INPP4B: variants seen among roughly 807,000 people sequenced by gnomAD.
INPP4B encodes the protein inositol polyphosphate 4-phosphatase type II.
Under a neutral mutation model 122.5 loss-of-function variants are expected in INPP4B, and 55 were observed. The ratio of observed to expected loss-of-function variants is 0.45; its 90% CI spans 0.36 to 0.56. The LOEUF (loss-of-function observed/expected upper bound fraction) is 0.56. INPP4B is among the 20% of genes least tolerant of loss of function. The pLI is 0.00. For missense variants in INPP4B, 1,000 were observed against 1,097.7 expected, an observed-to-expected ratio of 0.91 and a Z score of 1.26; for synonymous variants, 403 against 388.7, an observed-to-expected ratio of 1.04 and a Z score of -0.43.
chr4:142,370,173 A>G (rs1276695894), intron 7 of INPP4B, among the ~76,000 whole-genome samples: 2 of 152,106 alleles, frequency 1.3e-5, no homozygotes, highest in African/African-American at 4.8e-5. Flanking sequence ...TAAATACTCA[A>G]ACCCAAGTCA....
At chr4:142,413,232 T>C (rs929785008) in intron 5 of INPP4B, among the ~76,000 whole-genome samples, 2 of 152,120 alleles carry the variant, frequency 1.3e-5, no homozygotes, top group Admixed American at 1.3e-4. Flanking sequence ...TGTCCCAAAT[T>C]CAAAGCCAGG....
At chr4:142,450,623 C>T (rs1051843419) in intron 3 of INPP4B, among the ~76,000 whole-genome samples, 3 of 152,082 alleles carry the variant, frequency 2.0e-5, no homozygotes, top group Non-Finnish European at 2.9e-5. Flanking sequence ...TTTCTGAGGA[C>T]GTTTATGTGC....
chr4:142,713,382 A>G (rs1388045027), intron 2 of INPP4B, among the ~76,000 whole-genome samples: 1 of 152,216 alleles, frequency 6.6e-6, no homozygotes, highest in Non-Finnish European at 1.5e-5. Flanking sequence ...GGAGGCTAGT[A>G]AGTTCACCCA....
At chr4:142,171,300 C>A (rs909095099) in intron 16 of INPP4B, among the ~76,000 whole-genome samples, 13 of 151,902 alleles carry the variant, frequency 8.6e-5, no homozygotes, top group Admixed American at 5.3e-4. Context: ...ATATAGATAA[C>A]TCCTTAATGT....
At chr4:142,657,046 C>A (rs558674306) in intron 2 of INPP4B, among the ~76,000 whole-genome samples, 1 of 152,148 alleles carries the variant, frequency 6.6e-6, no homozygotes, top group East Asian at 1.9e-4. Flanking sequence ...GATGAGCCCT[C>A]TCAGATTAGA....
At chr4:142,340,412 C>CTCTCTT (rs112269343) in intron 7 of INPP4B, among the ~76,000 whole-genome samples, 66,040 of 151,516 alleles carry the variant, frequency 0.44, 15,333 homozygotes, top group Non-Finnish European at 0.53. Flanking sequence ...TTTTTTTTCT[C>CTCTCTT]TTTAAAATTT....
chr4:142,160,405 C>G lies in INPP4B; in HGVS notation c.1516G>C (p.Gly506Arg), dbSNP rs1213475561. ...GAATGATGTGGTATGGAGTCCTGCC[C>G]TCTCATCACTGGGGGTTGGTCTTGG... is the stretch of plus-strand genomic sequence containing the variant. The part of the protein sequence containing the change: ...SPQDQPPVMR[G>R]QDSIPHHSDY... Residue 506 changes from glycine to arginine, a missense_variant, in exon 17 of 26, where the codon GGG becomes CGG. Coordinates refer to ENST00000262992, the MANE Select transcript of INPP4B (RefSeq NM_001101669.3). The G allele has an allele frequency of 1.2e-6, 2 of 1,601,606 alleles. No individual in the cohort carries two copies. Among genetic ancestry groups the G allele is most frequent in the East Asian group, 4.5e-5 (2 of 44,610 alleles).
chr4:142,754,331 C>T (rs562956977), intron 1 of INPP4B, among the ~76,000 whole-genome samples: 2 of 151,922 alleles, frequency 1.3e-5, no homozygotes, highest in Non-Finnish European at 2.9e-5. Flanking sequence ...GTAACAGTGA[C>T]CCCAAGTAAT....
chr4:142,511,884 C>T (rs1343340000), intron 2 of INPP4B, among the ~76,000 whole-genome samples: 2 of 152,102 alleles, frequency 1.3e-5, no homozygotes, highest in African/African-American at 4.8e-5. Context: ...TTAAGATGAG[C>T]TTTAAAGTTA....
intron 1 of INPP4B, among the ~76,000 whole-genome samples, chr4:142,743,521 G>A (rs1246428814): frequency 6.6e-6 from 1 of 151,828 alleles, no homozygotes; most frequent in Non-Finnish European, 1.5e-5. Context: ...GAATGCATGA[G>A]AGATGTTAGA....
intron 2 of INPP4B, among the ~76,000 whole-genome samples, chr4:142,547,336 C>G (rs1223063221): frequency 6.6e-6 from 1 of 151,996 alleles, no homozygotes; most frequent in African/African-American, 2.4e-5. Context: ...ACAGAGCATG[C>G]CCTGACCCTC....
At chr4:142,375,400 C>A (rs1198650218) in intron 7 of INPP4B, among the ~76,000 whole-genome samples, 1 of 150,782 alleles carries the variant, frequency 6.6e-6, no homozygotes, top group Non-Finnish European at 1.5e-5. Flanking sequence ...ATGTTTATTT[C>A]TCGAGTCATT....
chr4:142,256,494 T>C (rs1276496051), intron 11 of INPP4B, among the ~76,000 whole-genome samples: 1 of 151,780 alleles, frequency 6.6e-6, no homozygotes, highest in Non-Finnish European at 1.5e-5. Context: ...AAGAATCAAA[T>C]AGATGCAATA....
At chr4:142,030,111 G>A in intron 25 of INPP4B, 2 of 1,495,756 alleles carry the variant, frequency 1.3e-6, no homozygotes, top group East Asian at 2.5e-5. Context: ...AAAAGAAAAA[G>A]GAATACAACA....
chr4:142,644,600 T>C (rs1751301743), intron 2 of INPP4B, among the ~76,000 whole-genome samples: 1 of 151,564 alleles, frequency 6.6e-6, no homozygotes, highest in South Asian at 2.1e-4. Flanking sequence ...TGTGACTGAA[T>C]TTAAAGAGCA....
rs146211950 is a variant in INPP4B at position 142,577,983 on chromosome 4, G to A, written c.-190-115257C>T. Among the ~76,000 whole-genome samples the A allele has an allele frequency of 7.2e-5, 11 of 152,038 alleles. No individual in the cohort carries two copies. The East Asian group carries it at 2.1e-3, about 30-fold the overall frequency. Reference sequence around the variant, plus strand: ...ACATGTTACACTCATGTAACCATGTGAGTCCTGTCCTTCTGCCAATTTCTG... The same window carrying A: ...ACATGTTACACTCATGTAACCATGTAAGTCCTGTCCTTCTGCCAATTTCTG... On this transcript the variant is annotated intron_variant, in intron 2 of 25. Coordinates refer to ENST00000262992, the MANE Select transcript of INPP4B (RefSeq NM_001101669.3).
In INPP4B at chr4:142,579,711, C is replaced by T. The variant is rs137912666; in HGVS notation, c.-190-116985G>A. Among the ~76,000 whole-genome samples, 495 of 151,788 alleles carry T rather than the reference C, an allele frequency of 3.3e-3. 7 individuals are homozygous for T. The highest frequency in any genetic ancestry group is 0.018 in the East Asian group (90 of 5,084). ...TGGAAACATGTTTCTTCCTGGGTCT[C>T]GTGACTGCCAGCCTTCAGACTAGAA... On this transcript the variant is annotated intron_variant, in intron 2 of 25. Coordinates refer to ENST00000262992, the MANE Select transcript of INPP4B (RefSeq NM_001101669.3).
intron 2 of INPP4B, among the ~76,000 whole-genome samples, chr4:142,717,994 G>C (rs548794004): frequency 1.3e-5 from 2 of 150,520 alleles, no homozygotes. Flanking sequence ...GGAGAAAAAA[G>C]TTAAATTCTA....
intron 7 of INPP4B, among the ~76,000 whole-genome samples, chr4:142,350,147 A>T (rs1579815164): frequency 6.6e-6 from 1 of 152,000 alleles, no homozygotes; most frequent in South Asian, 2.1e-4. Context: ...GTTGCTTTCC[A>T]CTATTAAGAA....
Sources: allele counts gnomAD v4.1 joint callset (sites outside exome capture counted in the v4.1 genomes callset), GRCh38; gene constraint gnomAD v4.1.1; transcripts MANE v1.5; gene names NCBI Gene and HGNC (gene_info 2026-07-23, HGNC 2026-07-21).